GALNT17: variants seen among roughly 807,000 people sequenced by gnomAD.
GALNT17 encodes the protein polypeptide N-acetylgalactosaminyltransferase 17.
GALNT17 carries 29 observed loss-of-function variants against 63.7 expected under a neutral mutation model. The ratio of observed to expected loss-of-function variants is 0.46; its 90% CI spans 0.34 to 0.62. The LOEUF is 0.62. GALNT17 is among the 20% of genes least tolerant of loss of function. The pLI, the probability that GALNT17 is intolerant of heterozygous loss-of-function variation, is 0.01. For missense variants in GALNT17, 603 were observed against 799.6 expected, an observed-to-expected ratio of 0.75 and a Z score of 2.97; for synonymous variants, 305 against 318.3, an observed-to-expected ratio of 0.96 and a Z score of 0.45.
chr7:71,559,899 A>AAAC lies in GALNT17; in HGVS notation c.963-11384_963-11383insCAA, dbSNP rs200320089. On this transcript the variant is annotated intron_variant, in intron 5 of 10. Transcript: ENST00000333538. ...AAACACATTTTCAACATTAAAAACA[A>AAAC]AAAAAAAAAAATCAGCCAGGCGCGG... 5.9e-3 allele frequency among the ~76,000 whole-genome samples: 617 copies of AAAC among 104,614 alleles called. 7 individuals are homozygous for AAAC. Among genetic ancestry groups the AAAC allele is most frequent in the African/African-American group, 0.024 (572 of 23,386 alleles). 68.6% of individuals were successfully genotyped at this position (104,614 alleles called of 152,430 possible). A position where few individuals can be genotyped will look rare whatever the true frequency, so the allele number is the denominator to read the frequency against.
chr7:71,609,131 A>T lies in GALNT17; in HGVS notation c.1080+37729A>T, dbSNP rs916647277. 9.2e-5 allele frequency among the ~76,000 whole-genome samples: 14 copies of T among 152,166 alleles called. No homozygotes were observed. The East Asian group carries it at 2.7e-3, about 29-fold the overall frequency. ...CATTCTAGCATGCTCTGCCTGTCTAAGTCTTCTCACTCAGGATCCACATCA... is the reference window on the plus strand; with the variant it reads ...CATTCTAGCATGCTCTGCCTGTCTATGTCTTCTCACTCAGGATCCACATCA... On this transcript the variant is annotated intron_variant, in intron 6 of 10. Coordinates refer to ENST00000333538, the MANE Select transcript of GALNT17 (RefSeq NM_022479.3).
chr7:71,585,505 A>T (rs1262723184), intron 6 of GALNT17, among the ~76,000 whole-genome samples: 2 of 152,246 alleles, frequency 1.3e-5, no homozygotes, highest in Non-Finnish European at 2.9e-5. Context: ...CCAGGAAAGC[A>T]GGATAAATGC....
chr7:71,677,516 AT>A lies in GALNT17; in HGVS notation c.1500+226del, dbSNP rs34765236. 9.2e-3 allele frequency among the ~76,000 whole-genome samples: 1,311 copies of A among 141,812 alleles called. 8 individuals carry two copies. Among genetic ancestry groups the A allele is most frequent in the African/African-American group, 0.022 (855 of 38,874 alleles). 93.0% of individuals were successfully genotyped at this position (141,812 alleles called of 152,430 possible). A position where few individuals can be genotyped will look rare whatever the true frequency, so the allele number is the denominator to read the frequency against. ...CATAAGTGGTTGTTGCAGCATGCAG[AT>A]TTTTTTTTTTTTTTTGAGATGGCGT... On this transcript the variant is annotated intron_variant, in intron 9 of 10. Transcript: ENST00000333538.
intron 6 of GALNT17, among the ~76,000 whole-genome samples, chr7:71,617,768 G>A (rs139427461): frequency 1.5e-3 from 221 of 152,022 alleles, no homozygotes; most frequent in Non-Finnish European, 2.5e-3. Context: ...TCAGCCTCCC[G>A]AATAGGTGGG....
At chr7:71,238,146 A>C (rs2116461069) in intron 1 of GALNT17, among the ~76,000 whole-genome samples, 1 of 152,270 alleles carries the variant, frequency 6.6e-6, no homozygotes, top group South Asian at 2.1e-4. Context: ...ACATTCCATA[A>C]GGCAGAGGGC....
In GALNT17 at chr7:71,576,884, G is replaced by A. The variant is rs577070738; in HGVS notation, c.1080+5482G>A. 1.4e-3 allele frequency among the ~76,000 whole-genome samples: 219 copies of A among 152,212 alleles called. 1 individual carries two copies. Among genetic ancestry groups the A allele is most frequent in the African/African-American group, 5.0e-3 (207 of 41,542 alleles). ...TCCTGGCCTTGAATTTTTAATAATAGCCATTCTACCAAAAAGACATCTGCA... is the reference window on the plus strand; with the variant it reads ...TCCTGGCCTTGAATTTTTAATAATAACCATTCTACCAAAAAGACATCTGCA... On this transcript the variant is annotated intron_variant, in intron 6 of 10. Transcript: ENST00000333538.
At chr7:71,229,380 C>T (rs536707666) in intron 1 of GALNT17, among the ~76,000 whole-genome samples, 3 of 152,156 alleles carry the variant, frequency 2.0e-5, no homozygotes, top group East Asian at 1.9e-4. Flanking sequence ...TTAGCGGGGA[C>T]GGTGAGACCA....
chr7:71,376,425 G>GTGGTTTTT, intron 2 of GALNT17, among the ~76,000 whole-genome samples: 1 of 63,360 alleles, frequency 1.6e-5, no homozygotes, highest in East Asian at 7.2e-4. Context: ...GTTTGGAGTT[G>GTGGTTTTT]TTTTTTTTTT....
intron 1 of GALNT17, among the ~76,000 whole-genome samples, chr7:71,206,726 G>T (rs1585881224): frequency 6.6e-6 from 1 of 152,070 alleles, no homozygotes; most frequent in Admixed American, 6.6e-5. Context: ...TCATATTTCT[G>T]CGGCTAAAGG....
chr7:71,261,368 T>A (rs1477594336), intron 1 of GALNT17, among the ~76,000 whole-genome samples: 1 of 152,198 alleles, frequency 6.6e-6, no homozygotes, highest in Non-Finnish European at 1.5e-5. Context: ...GCAAAAATAC[T>A]TTCCCCAATT....
chr7:71,397,850 G>A (rs1793166111), intron 3 of GALNT17, among the ~76,000 whole-genome samples: 3 of 152,180 alleles, frequency 2.0e-5, no homozygotes, highest in South Asian at 4.1e-4. Context: ...TCTAAAGATG[G>A]CTTTAGCCTC....
chr7:71,674,258 T>G (rs1791113316), intron 8 of GALNT17, among the ~76,000 whole-genome samples: 1 of 151,966 alleles, frequency 6.6e-6, no homozygotes, highest in Non-Finnish European at 1.5e-5. Flanking sequence ...AGTATCACCA[T>G]TTACAGATAT....
chr7:71,414,176 G>A (rs1159428861), intron 3 of GALNT17, among the ~76,000 whole-genome samples: 1 of 152,156 alleles, frequency 6.6e-6, no homozygotes, highest in Non-Finnish European at 1.5e-5. Flanking sequence ...AGGAGGTGGA[G>A]GTTGCAGTGA....
chr7:71,412,843 G>A (rs1793454905), intron 3 of GALNT17, among the ~76,000 whole-genome samples: 1 of 152,154 alleles, frequency 6.6e-6, no homozygotes, highest in Admixed American at 6.5e-5. Flanking sequence ...AAGAGTTCGA[G>A]ACCAGCAGGG....
chr7:71,468,737 C>T lies in GALNT17; in HGVS notation c.962+47632C>T, dbSNP rs142426004. Among the ~76,000 whole-genome samples the T allele has an allele frequency of 3.2e-3, 480 of 152,136 alleles. 1 individual carries two copies. Among genetic ancestry groups the T allele is most frequent in the Admixed American group, 8.0e-3 (122 of 15,268 alleles). On this transcript the variant is annotated intron_variant, in intron 5 of 10. Coordinates refer to ENST00000333538, the MANE Select transcript of GALNT17 (RefSeq NM_022479.3). ...CGGCCCTAGGCTCCTCCCATCTTGA[C>T]CTGGGTGTTTGCGATGGTGTCTGGT...
At chr7:71,222,915 C>A (rs1239522193) in intron 1 of GALNT17, among the ~76,000 whole-genome samples, 2 of 151,952 alleles carry the variant, frequency 1.3e-5, no homozygotes, top group East Asian at 3.9e-4. Context: ...TACAAAAAAC[C>A]CCCCAAAATT....
chr7:71,162,805 A>G (rs1315766527), intron 1 of GALNT17, among the ~76,000 whole-genome samples: 1 of 152,226 alleles, frequency 6.6e-6, no homozygotes, highest in East Asian at 1.9e-4. Flanking sequence ...TGCCAGAGAC[A>G]GCTTTCTGGA....
At chr7:71,260,955 G>T (rs1464077184) in intron 1 of GALNT17, among the ~76,000 whole-genome samples, 1 of 152,114 alleles carries the variant, frequency 6.6e-6, no homozygotes, top group African/African-American at 2.4e-5. Flanking sequence ...AAACCCAGGT[G>T]TTAAATTTCA....
chr7:71,679,186 G>C (rs1392118224), intron 9 of GALNT17, among the ~76,000 whole-genome samples: 2 of 151,954 alleles, frequency 1.3e-5, no homozygotes, highest in African/African-American at 2.4e-5. Context: ...TGAGGCGGGA[G>C]GATTGCTTGA....
Sources: allele counts gnomAD v4.1 joint callset (sites outside exome capture counted in the v4.1 genomes callset), GRCh38; gene constraint gnomAD v4.1.1; transcripts MANE v1.5; gene names NCBI Gene and HGNC (gene_info 2026-07-23, HGNC 2026-07-21).